Variants in XPO5 observed in about 807,000 individuals in gnomAD.
XPO5 encodes the protein exportin-5.
In XPO5, 46 loss-of-function variants were observed where a neutral mutation model predicts 160.6. That is an observed-to-expected ratio of 0.29 (90% CI 0.23 to 0.37). The LOEUF is 0.37. Ranked by LOEUF, XPO5 falls within the 10% of genes least tolerant of loss-of-function variation. The pLI is 1.00. For missense variants in XPO5, 1,090 were observed against 1,463.9 expected (o/e 0.74, Z 4.17); for synonymous variants, 537 against 519.3 (o/e 1.03, Z -0.46).
At chr6:43,524,055 T>A (rs1471795346) in intron 31 of XPO5, 50 bp from the exon 32 acceptor site, 2 of 1,592,252 alleles carry the variant, frequency 1.3e-6, no homozygotes, top group Admixed American at 1.7e-5. Flanking sequence ...CAGTAGTAGT[T>A]AAAAGATTCT....
chr6:43,524,744 C>T (rs1793445562), intron 30 of XPO5, 87 bp downstream of exon 30: 2 of 1,587,592 alleles, frequency 1.3e-6, no homozygotes, highest in East Asian at 4.5e-5. Context: ...TTGGCAGGTG[C>T]CTGAATTTAG....
intron 20 of XPO5, among the ~76,000 whole-genome samples, chr6:43,534,438 G>A (rs1056957046): frequency 6.6e-6 from 1 of 152,146 alleles, no homozygotes; most frequent in Admixed American, 6.5e-5. Context: ...CAAGAGCATG[G>A]ACCTTGCAAC....
rs1474721215 is a variant in XPO5 at position 43,555,919 on chromosome 6, A to C, written c.1358T>G (p.Leu453Trp). Residue 453 changes from leucine to tryptophan, a missense_variant, in exon 13 of 32, where the codon TTG becomes TGG. Around this residue, in one of 3 missense-constraint regions of XPO5, gnomAD observed 810 missense variants for 1,139.0 expected, o/e 0.71. Transcript: ENST00000265351. Reference protein sequence around the residue: ...QGEVMRLACRLDPKTSFQMAG... With the variant: ...QGEVMRLACRWDPKTSFQMAG... ...CATCTGGAAGCTAGTTTTGGGATCC[A>C]AACGACATGCCAACCTCATCACCTC... 3 of 1,613,992 alleles carry C rather than the reference A, an allele frequency of 1.9e-6. No individual in the cohort carries two copies. Among genetic ancestry groups the C allele is most frequent in the Non-Finnish European group, 1.7e-6 (2 of 1,179,880 alleles).
At chr6:43,575,620 A>C in intron 1 of XPO5, 140 bp downstream of exon 1, 1 of 687,474 alleles carries the variant, frequency 1.5e-6, no homozygotes. Flanking sequence ...GAGGGCCGCG[A>C]GGGGAAGGTC....
In XPO5 at chr6:43,570,694, T is replaced by A; in HGVS notation, c.439-10A>T. The A allele has an allele frequency of 1.9e-6, 3 of 1,592,794 alleles. No homozygotes were observed. Among genetic ancestry groups the A allele is most frequent in the Non-Finnish European group, 2.6e-6 (3 of 1,171,106 alleles). On this transcript the variant is annotated splice_polypyrimidine_tract_variant and intron_variant, in intron 4 of 31. Transcript: ENST00000265351. ...ATTCTGTCTGTGTTTCCTACACCAA[T>A]AGAAATAAGCTAGTTAAAAACTAAA... is the stretch of plus-strand genomic sequence containing the variant.
chr6:43,545,181 G>T (rs1280325438), intron 20 of XPO5, among the ~76,000 whole-genome samples: 1 of 151,854 alleles, frequency 6.6e-6, no homozygotes, highest in East Asian at 1.9e-4. Context: ...CCAAAATATT[G>T]TCTATTTCCA....
At chr6:43,553,759 A>G in intron 13 of XPO5, 2 of 530,380 alleles carry the variant, frequency 3.8e-6, no homozygotes, top group Non-Finnish European at 5.6e-6. Context: ...ATTCACCTCT[A>G]TGAGCCTTGT....
At chr6:43,525,760 G>T in intron 28 of XPO5, 79 bp downstream of exon 28, 2 of 1,445,930 alleles carry the variant, frequency 1.4e-6, no homozygotes. Context: ...ACTCTTGATA[G>T]CACCATAGAG....
intron 20 of XPO5, among the ~76,000 whole-genome samples, chr6:43,534,736 G>A (rs1174269133): frequency 1.3e-5 from 2 of 152,278 alleles, no homozygotes; most frequent in Non-Finnish European, 1.5e-5. Flanking sequence ...GGTGGCTCAC[G>A]CCTATAATCC....
chr6:43,535,581 G>A (rs888426706), intron 20 of XPO5, among the ~76,000 whole-genome samples: 12 of 151,910 alleles, frequency 7.9e-5, no homozygotes, highest in East Asian at 5.8e-4. Context: ...GAGGCCGGGC[G>A]CGGTGGATCA....
intron 1 of XPO5, 85 bp from the exon 2 acceptor site, chr6:43,573,686 G>A: frequency 1.4e-6 from 2 of 1,474,176 alleles, no homozygotes; most frequent in Admixed American, 2.2e-5. Flanking sequence ...CTCCAACCAG[G>A]GCCGGGTGCG....
In XPO5 at chr6:43,567,149, A is replaced by C; in HGVS notation, c.834+20T>G. Reference sequence around the variant, plus strand: ...CTACTTCAGAGACTGAGGATAAGTCAGTTTGAAGTGGTAACTTACTTTTCT... The same window carrying C: ...CTACTTCAGAGACTGAGGATAAGTCCGTTTGAAGTGGTAACTTACTTTTCT... On this transcript the variant is annotated intron_variant, in intron 7 of 31. Coordinates refer to ENST00000265351, the MANE Select transcript of XPO5 (RefSeq NM_020750.3). The C allele has an allele frequency of 6.2e-7, 1 of 1,601,142 alleles. No homozygotes were observed. The highest frequency in any genetic ancestry group is 8.5e-7 in the Non-Finnish European group (1 of 1,173,586).
intron 20 of XPO5, among the ~76,000 whole-genome samples, chr6:43,535,129 A>T (rs1794236323): frequency 6.6e-6 from 1 of 151,090 alleles, no homozygotes; most frequent in Non-Finnish European, 1.5e-5. Context: ...TGTCTCTACT[A>T]AAAATACAAA....
Position 43,572,578 on chromosome 6 carries a change from C to T in XPO5, c.228G>A (p.Lys76=). 1 of 1,613,900 alleles carries T rather than the reference C, an allele frequency of 6.2e-7. No homozygotes were observed. Among genetic ancestry groups the T allele is most frequent in the Non-Finnish European group, 8.5e-7 (1 of 1,179,874 alleles). ...ATCGAGACATGCCGTTCCACCGAAA[C>T]CTGACCACCAAAATGCATAAAGTCA... ...FGLQILEHVV[K]FRWNGMSRLE... Residue 76 remains lysine, a splice_region_variant and synonymous_variant, in exon 3 of 32, where the codon AAG becomes AAA. Coordinates refer to ENST00000265351, the MANE Select transcript of XPO5 (RefSeq NM_020750.3).
At chr6:43,560,870 T>G in intron 10 of XPO5, 54 bp downstream of exon 10, 1 of 1,381,382 alleles carries the variant, frequency 7.2e-7, no homozygotes, top group East Asian at 2.3e-5. Context: ...GACACAGTGC[T>G]TGACATTGGT....
At chr6:43,537,772 A>T (rs1379589872) in intron 20 of XPO5, among the ~76,000 whole-genome samples, 1 of 152,228 alleles carries the variant, frequency 6.6e-6, no homozygotes, top group East Asian at 1.9e-4. Flanking sequence ...AAATAAATTG[A>T]AAAGAAAAAG....
chr6:43,554,581 C>T (rs1342110976), intron 13 of XPO5, among the ~76,000 whole-genome samples: 6 of 151,944 alleles, frequency 3.9e-5, no homozygotes, highest in African/African-American at 9.7e-5. Context: ...CCCACCACCA[C>T]GCCTGGCTAA....
chr6:43,573,919 G>A (rs1763150885), intron 1 of XPO5, among the ~76,000 whole-genome samples: 1 of 150,516 alleles, frequency 6.6e-6, no homozygotes, highest in Non-Finnish European at 1.5e-5. Context: ...TGCTTCCCAG[G>A]TTCAAGCAGT....
chr6:43,531,440 C>T (rs1276470702), intron 22 of XPO5, 39 bp downstream of exon 22: 6 of 1,570,040 alleles, frequency 3.8e-6, no homozygotes, highest in Admixed American at 1.7e-5. Flanking sequence ...CAATACATAT[C>T]GAGGAAGAAA....
Sources: allele counts gnomAD v4.1 joint callset (sites outside exome capture counted in the v4.1 genomes callset), GRCh38; gene constraint gnomAD v4.1.1; regional missense constraint gnomAD v4.1.1; transcripts MANE v1.5; gene names NCBI Gene and HGNC (gene_info 2026-07-23, HGNC 2026-07-21).